SLC52A1: variants seen among roughly 807,000 people sequenced by gnomAD.
SLC52A1 encodes solute carrier family 52 member 1.
SLC52A1 carries 20 observed loss-of-function variants against 23.2 expected under a neutral mutation model. The ratio of observed to expected loss-of-function variants is 0.86; its 90% CI spans 0.61 to 1.25. The LOEUF is 1.25. SLC52A1 is among the 50% of genes most tolerant of loss of function. SLC52A1 has a pLI of 0.00. For missense variants in SLC52A1, 528 were observed against 557.0 expected, an observed-to-expected ratio of 0.95 and a Z score of 0.52; for synonymous variants, 260 against 256.6, an observed-to-expected ratio of 1.01 and a Z score of -0.13.
Position 5,032,765 on chromosome 17 carries a change from T to G in SLC52A1, c.*192A>C. 1.7e-6 allele frequency: 1 copy of G among 596,354 alleles called. No homozygotes were observed. The highest frequency in any genetic ancestry group is 2.8e-5 in the East Asian group (1 of 35,900). 36.9% of individuals were successfully genotyped at this position (596,354 alleles called of 1,614,324 possible). On this transcript the variant is annotated 3_prime_UTR_variant, in exon 5 of 5. Transcript: ENST00000254853. ...TGGGTCCAAGCCCACAGCCCCAACC[T>G]GTCCCCTGGCTCTGGGCCTGGTCTT...
intron 3 of SLC52A1, 27 bp from the exon 4 acceptor site, chr17:5,033,411 G>C: frequency 6.2e-7 from 1 of 1,613,692 alleles, no homozygotes; most frequent in South Asian, 1.1e-5. Context: ...GAGACTCAGG[G>C]CTGGCTGTTC....
At chr17:5,039,161 A>G (rs1251455539), upstream of SLC52A1, among the ~76,000 whole-genome samples, 1 of 151,388 alleles carries the variant, frequency 6.6e-6, no homozygotes, top group Non-Finnish European at 1.5e-5. Flanking sequence ...CGTCTCTACT[A>G]AAAATACAAA....
intron 1 of SLC52A1, 23 bp downstream of exon 1, chr17:5,034,838 G>GT: frequency 2.8e-6 from 1 of 354,698 alleles, no homozygotes; most frequent in Non-Finnish European, 5.4e-6. Flanking sequence ...GGCGGGCGGG[G>GT]AAGGTGGGGA....
chr17:5,039,194 G>A (rs1235963651), upstream of SLC52A1, among the ~76,000 whole-genome samples: 4 of 151,550 alleles, frequency 2.6e-5, no homozygotes, highest in Admixed American at 6.6e-5. Context: ...TTGGTGGCAC[G>A]CACCTGTAGT....
At position 5,033,832 on chromosome 17, in the gene SLC52A1, T is replaced by C; in HGVS notation, c.657A>G (p.Pro219=). 3.7e-6 allele frequency: 6 copies of C among 1,614,158 alleles called. No homozygotes were observed. The highest frequency in any genetic ancestry group is 5.1e-6 in the Non-Finnish European group (6 of 1,180,024). ...AAFRGLLLLL[P]SLPSVTTGGS... is the part of the protein sequence containing the mutation. Reference sequence around the variant, plus strand: ...CCCCTGTGGTTACAGAGGGTAGTGATGGCAACAGCAACAGGAGACCCCGGA... The same window carrying C: ...CCCCTGTGGTTACAGAGGGTAGTGACGGCAACAGCAACAGGAGACCCCGGA... The change falls in exon 3 of 5, where the codon CCA becomes CCG. Residue 219 remains proline (P), a synonymous_variant. Transcript: ENST00000254853.
In SLC52A1 at chr17:5,033,489, C is replaced by T. The variant is rs150164483; in HGVS notation, c.1000G>A (p.Val334Met). ...NPLACFLAMG[V>M]LCRSLAGLVG... is the part of the protein sequence containing the mutation. ...GGGACCCTTTTGCACCTGCACAGCA[C>T]GCCCATGGCCAGGAAGCAGGCAAGG... Residue 334 changes from valine (V) to methionine (M), a missense_variant, in exon 3 of 5, where the codon GTG becomes ATG. Physicochemically the swap from Val to Met is conservative, Grantham distance 21. Transcript: ENST00000254853. 4.3e-5 allele frequency: 70 copies of T among 1,611,464 alleles called. No individual in the cohort carries two copies. Among genetic ancestry groups the T allele is most frequent in the African/African-American group, 4.1e-4 (31 of 75,008 alleles).
At chr17:5,039,884 G>T (rs1288235774), upstream of SLC52A1, among the ~76,000 whole-genome samples, 1 of 152,184 alleles carries the variant, frequency 6.6e-6, no homozygotes, top group African/African-American at 2.4e-5. Context: ...TGGGACAAAA[G>T]AGATCACCAT....
In SLC52A1 at chr17:5,032,983, C is replaced by A; in HGVS notation, c.1321G>T (p.Asp441Tyr). 1.2e-6 allele frequency: 2 copies of A among 1,613,774 alleles called. No homozygotes were observed. The highest frequency in any genetic ancestry group is 1.7e-6 in the Non-Finnish European group (2 of 1,180,030). The change falls in exon 5 of 5, where the codon GAC (aspartate) becomes TAC (tyrosine). Residue 441 changes from aspartate to tyrosine, a missense_variant. By Grantham distance (160) the Asp-to-Tyr change is radical. Transcript: ENST00000254853. The stretch of plus-strand genomic sequence containing the variant: ...CAGGGGCCACAGGGGTCTACACAGT[C>A]CTTTCTGCTTTGAAACACGTGGTAG... Reference protein sequence around the residue: ...SIYHVFQSRKDCVDPCGP With the variant: ...SIYHVFQSRKYCVDPCGP
chr17:5,036,529 A>T (rs536079353), upstream of SLC52A1, among the ~76,000 whole-genome samples: 64 of 147,392 alleles, frequency 4.3e-4, no homozygotes, highest in African/African-American at 1.6e-3. Context: ...CTCCTGCCTC[A>T]GACTCCCGAG....
Position 5,032,960 on chromosome 17 carries a change from G to T in SLC52A1, c.1344C>A (p.Pro448=), listed in dbSNP as rs1192509800. The change falls in exon 5 of 5, where the codon CCC becomes CCA. Residue 448 remains proline (P), a synonymous_variant. Transcript: ENST00000254853. Reference sequence around the variant, plus strand: ...TTGGGTCCCCACCTGCCCAGGCTCAGGGGCCACAGGGGTCTACACAGTCCT... The same window carrying T: ...TTGGGTCCCCACCTGCCCAGGCTCATGGGCCACAGGGGTCTACACAGTCCT... ...SRKDCVDPCG[P] is the part of the protein sequence containing the mutation. The T allele has an allele frequency of 3.1e-6, 5 of 1,610,670 alleles. No individual in the cohort carries two copies. Among genetic ancestry groups the T allele is most frequent in the Non-Finnish European group, 4.2e-6 (5 of 1,177,424 alleles).
rs745690787 is a variant in SLC52A1 at position 5,034,624 on chromosome 17, C to T, written c.-18G>A. The T allele has an allele frequency of 2.5e-6, 4 of 1,613,752 alleles. No homozygotes were observed. The highest frequency in any genetic ancestry group is 3.4e-6 in the Non-Finnish European group (4 of 1,179,872). On this transcript the variant is annotated 5_prime_UTR_variant, in exon 2 of 5. Transcript: ENST00000254853. ...GCTGCCATTCAGCCCAAAGCTGGAC[C>T]CTCCAGGACAGGGCAAAGGTCACAG...
intron 1 of SLC52A1, among the ~76,000 whole-genome samples, chr17:5,040,651 C>T (rs1975531924): frequency 6.6e-6 from 1 of 152,264 alleles, no homozygotes; most frequent in East Asian, 1.9e-4. Flanking sequence ...TCTAACTCGC[C>T]AAGGTGCAGA....
chr17:5,036,826 T>C (rs980298385), upstream of SLC52A1, among the ~76,000 whole-genome samples: 4 of 152,130 alleles, frequency 2.6e-5, no homozygotes, highest in African/African-American at 9.7e-5. Flanking sequence ...ATTTATTTAT[T>C]TATTTTTATT....
At chr17:5,036,812 A>G (rs948548052), upstream of SLC52A1, among the ~76,000 whole-genome samples, 1 of 152,044 alleles carries the variant, frequency 6.6e-6, no homozygotes, top group African/African-American at 2.4e-5. Context: ...ACAGGTTTTC[A>G]CATATTTATT....
intron 3 of SLC52A1, 45 bp from the exon 4 acceptor site, chr17:5,033,429 T>C (rs1597875300): frequency 6.2e-7 from 1 of 1,611,884 alleles, no homozygotes; most frequent in South Asian, 1.1e-5. Context: ...TTCTGGGACC[T>C]GGACCCCAAC....
rs774820987 is a variant in SLC52A1, at chr17:5,034,002, G to C, written c.487C>G (p.Leu163Val). The C allele has an allele frequency of 2.5e-6, 4 of 1,613,926 alleles. No homozygotes were observed. The highest frequency in any genetic ancestry group is 2.5e-6 in the Non-Finnish European group (3 of 1,179,948). Residue 163 changes from leucine (L) to valine (V), a missense_variant, in exon 3 of 5, where the codon CTA becomes GTA. Physicochemically the swap from Leu to Val is conservative, Grantham distance 32. Coordinates refer to ENST00000254853, the MANE Select transcript of SLC52A1 (RefSeq NM_017986.4). Reference protein sequence around the residue: ...LSALLPCVLALVQGVGRLECP... With the variant: ...LSALLPCVLAVVQGVGRLECP... ...TCGAGGCGGCCCACACCTTGCACTAGGGCCAGCACACAGGGGAGTAGGGCA... is the reference window on the plus strand; with the variant it reads ...TCGAGGCGGCCCACACCTTGCACTACGGCCAGCACACAGGGGAGTAGGGCA...
chr17:5,033,617 G>A lies in SLC52A1; in HGVS notation c.872C>T (p.Ala291Val). ...AGAAGGCAGCACGCCATTGGTCACG[G>A]CACTGGTGAAGGCCATCAGGCCCAG... ...FLLGLMAFTS[A>V]VTNGVLPSVQ... Residue 291 changes from alanine to valine, a missense_variant, in exon 3 of 5, where the codon GCC becomes GTC. Ala to Val is a moderately conservative substitution (Grantham distance 64, BLOSUM62 0). Coordinates refer to ENST00000254853, the MANE Select transcript of SLC52A1 (RefSeq NM_017986.4). 1 of 1,613,970 alleles carries A rather than the reference G, an allele frequency of 6.2e-7. No homozygotes were observed. The highest frequency in any genetic ancestry group is 1.1e-5 in the South Asian group (1 of 91,090).
Position 5,032,676 on chromosome 17 carries a change from G to T in SLC52A1, c.*281C>A. On this transcript the variant is annotated 3_prime_UTR_variant, in exon 5 of 5. Transcript: ENST00000254853. ...CTTATAAGGTTTTCATTAGGCTTTT[G>T]TTTTTGTTTTTGGTTTTAAATAAAA... 1 of 358,000 alleles carries T rather than the reference G, an allele frequency of 2.8e-6. No homozygotes were observed. The highest frequency in any genetic ancestry group is 5.1e-6 in the Non-Finnish European group (1 of 196,430). The allele number at this position is 358,000 out of a possible 1,614,324, so 22.2% of individuals were successfully genotyped here. A position where few individuals can be genotyped will look rare whatever the true frequency, so the allele number is the denominator to read the frequency against.
At chr17:5,033,237 C>G in intron 4 of SLC52A1, 24 bp downstream of exon 4, 1 of 1,612,942 alleles carries the variant, frequency 6.2e-7, no homozygotes, top group Non-Finnish European at 8.5e-7. Flanking sequence ...CCCTCCTCCC[C>G]ACTTCATGTC....
Sources: gnomAD v4.1 joint callset for allele counts (sites outside exome capture counted in the v4.1 genomes callset) on GRCh38, gnomAD v4.1.1 for gene constraint, MANE v1.5 for transcripts, NCBI Gene and HGNC (gene_info 2026-07-23, HGNC 2026-07-21) for gene names.